Variants in PLBD2 observed in about 807,000 individuals in gnomAD.
PLBD2 encodes the protein putative aminopeptidase PLBD2.
Under a neutral mutation model 68.3 loss-of-function variants are expected in PLBD2, and 51 were observed. That is an observed-to-expected ratio of 0.75 (90% confidence interval 0.60 to 0.94). The LOEUF is 0.94. PLBD2 is among the 40% of genes least tolerant of loss of function. The probability of loss-of-function intolerance (pLI) is 0.00; values close to 1 mark genes in which losing one functional copy is unlikely to be tolerated. For synonymous variants in PLBD2, 314 were observed against 339.3 expected (o/e 0.93, Z 0.82); for missense variants, 729 against 792.2 (o/e 0.92, Z 0.96).
chr12:113,382,847 G>A (rs1957506426), intron 6 of PLBD2, among the ~76,000 whole-genome samples: 1 of 125,532 alleles, frequency 8.0e-6, no homozygotes, highest in African/African-American at 3.1e-5. Context: ...GTGTGTGTGT[G>A]TGTGTGTGTG....
intron 3 of PLBD2, 73 bp from the exon 4 acceptor site, chr12:113,374,401 G>T: frequency 1.9e-6 from 2 of 1,047,456 alleles, no homozygotes; most frequent in South Asian, 2.8e-5. Context: ...GCCAGAGCCC[G>T]TCCCGTTGAA....
chr12:113,380,957 G>T, intron 6 of PLBD2, 115 bp downstream of exon 6: 1 of 1,007,350 alleles, frequency 9.9e-7, no homozygotes, highest in Non-Finnish European at 1.5e-6. Flanking sequence ...CCAGTGCTGG[G>T]TGCCATGTAG....
At chr12:113,377,250 A>G (rs1279963648) in intron 5 of PLBD2, among the ~76,000 whole-genome samples, 1 of 152,314 alleles carries the variant, frequency 6.6e-6, no homozygotes, top group Non-Finnish European at 1.5e-5. Context: ...ACATTTATAC[A>G]GGAAATCGTA....
At chr12:113,368,996 C>T (rs926419517) in intron 1 of PLBD2, 120 bp from the exon 2 acceptor site, 4 of 615,406 alleles carry the variant, frequency 6.5e-6, no homozygotes, top group African/African-American at 5.5e-5. Flanking sequence ...GATGGACAGA[C>T]AGACATTCAC....
chr12:113,389,412 T>G lies in PLBD2; in HGVS notation c.*786T>G, dbSNP rs112326133. ...AGCGGCTGTGGCCCCATGCTGTGCT[T>G]CTTGGGGTGGCAGGGAAGGTGGGGT... On this transcript the variant is annotated 3_prime_UTR_variant, in exon 12 of 12. Coordinates refer to ENST00000280800, the MANE Select transcript of PLBD2 (RefSeq NM_173542.4). 4.7e-3 allele frequency: 711 copies of G among 152,360 alleles called. 2 individuals are homozygous for G. Among genetic ancestry groups the G allele is most frequent in the Non-Finnish European group, 8.4e-3 (572 of 68,134 alleles). 9.4% of individuals were successfully genotyped at this position (152,360 alleles called of 1,614,324 possible). A position where few individuals can be genotyped will look rare whatever the true frequency, so the allele number is the denominator to read the frequency against.
At position 113,374,555 on chromosome 12, in the gene PLBD2, A is replaced by C; in HGVS notation, c.625A>C (p.Ile209Leu). Reference sequence around the variant, plus strand: ...GAGCTTCCCAGCTGGGAAGTTCACCATCAAACCCTTGGGGTTCCTGTAAGT... The same window carrying C: ...GAGCTTCCCAGCTGGGAAGTTCACCCTCAAACCCTTGGGGTTCCTGTAAGT... ...RVSFPAGKFT[I>L]KPLGFLLLQL... Residue 209 changes from isoleucine to leucine, a missense_variant, in exon 4 of 12, where the codon ATC becomes CTC. Transcript: ENST00000280800. 1 of 1,602,038 alleles carries C rather than the reference A, an allele frequency of 6.2e-7. No individual in the cohort carries two copies. The highest frequency in any genetic ancestry group is 8.5e-7 in the Non-Finnish European group (1 of 1,174,692).
At chr12:113,382,630 G>A (rs976411042) in intron 6 of PLBD2, among the ~76,000 whole-genome samples, 1 of 151,844 alleles carries the variant, frequency 6.6e-6, no homozygotes, top group Admixed American at 6.6e-5. Context: ...TTTTTGTAGA[G>A]ACAGGTTTTG....
intron 2 of PLBD2, among the ~76,000 whole-genome samples, chr12:113,371,889 G>A (rs548050241): frequency 5.9e-5 from 9 of 152,334 alleles, no homozygotes; most frequent in African/African-American, 2.2e-4. Context: ...CCTCTAGCCT[G>A]TGGCCTTCTT....
chr12:113,365,347 A>C (rs1957333419), intron 1 of PLBD2, among the ~76,000 whole-genome samples: 2 of 150,418 alleles, frequency 1.3e-5, no homozygotes, highest in African/African-American at 4.9e-5. Context: ...TTTTTGACAG[A>C]GTCTCATTCT....
In PLBD2 at chr12:113,384,873, G is replaced by A. The variant is rs749109072; in HGVS notation, c.1141G>A (p.Val381Met). ...CAGGTATAACAACCAGTGGATGATC[G>A]TGGACTACAAGGCGTTCATCCCGGG... Reference protein sequence around the residue: ...SGTYNNQWMIVDYKAFIPGGP... With the variant: ...SGTYNNQWMIMDYKAFIPGGP... Residue 381 changes from valine (V) to methionine (M), a missense_variant, in exon 8 of 12, where the codon GTG becomes ATG. By Grantham distance (21) the Val-to-Met change is conservative. Coordinates refer to ENST00000280800, the MANE Select transcript of PLBD2 (RefSeq NM_173542.4). The surrounding 1 kb of genome is among the most constrained non-coding windows in gnomAD (Gnocchi z 4.2). 5 of 1,613,948 alleles carry A rather than the reference G, an allele frequency of 3.1e-6. No individual in the cohort carries two copies. The highest frequency in any genetic ancestry group is 2.2e-5 in the East Asian group (1 of 44,868).
chr12:113,367,715 C>T (rs559231225), intron 1 of PLBD2, among the ~76,000 whole-genome samples: 6 of 146,374 alleles, frequency 4.1e-5, no homozygotes, highest in Non-Finnish European at 8.9e-5. Flanking sequence ...CATGCCGCTG[C>T]ACTTCAGCCT....
intron 5 of PLBD2, 52 bp downstream of exon 5, chr12:113,375,059 G>T (rs1482185747): frequency 6.5e-7 from 1 of 1,543,176 alleles, no homozygotes; most frequent in Admixed American, 1.7e-5. Context: ...GGGCACACAC[G>T]TGGGGAGTGG....
At position 113,390,369 on chromosome 12, in the gene PLBD2, C is replaced by T. The variant is rs1046307572; in HGVS notation, c.*1743C>T. The T allele has an allele frequency of 6.6e-6, 1 of 151,978 alleles. No individual in the cohort carries two copies. 9.4% of individuals were successfully genotyped at this position (151,978 alleles called of 1,614,324 possible). On this transcript the variant is annotated 3_prime_UTR_variant, in exon 12 of 12. Coordinates refer to ENST00000280800, the MANE Select transcript of PLBD2 (RefSeq NM_173542.4). The stretch of plus-strand genomic sequence containing the variant: ...ATCACCCATCCAACCATCAATCCAA[C>T]CATTTTCATCTGTTCATTTTCCATC...
At chr12:113,374,321 T>A (rs1414296449) in intron 3 of PLBD2, among the ~76,000 whole-genome samples, 153 bp from the exon 4 acceptor site, 2 of 152,090 alleles carry the variant, frequency 1.3e-5, no homozygotes, top group Non-Finnish European at 2.9e-5. Context: ...TGGGTGGTAG[T>A]TTGGGGGAGT....
At chr12:113,382,019 CACT>C (rs766851494) in intron 6 of PLBD2, among the ~76,000 whole-genome samples, 4 of 152,072 alleles carry the variant, frequency 2.6e-5, no homozygotes, top group Non-Finnish European at 4.4e-5. Flanking sequence ...AATGAGGTCT[CACT>C]ATATTTCCCA....
intron 1 of PLBD2, among the ~76,000 whole-genome samples, chr12:113,360,505 T>A (rs1957282304): frequency 6.6e-6 from 1 of 152,206 alleles, no homozygotes. Flanking sequence ...TTGATTGTGC[T>A]GGATGGAAAG....
At chr12:113,371,143 T>G (rs1445059670) in intron 2 of PLBD2, among the ~76,000 whole-genome samples, 1 of 152,178 alleles carries the variant, frequency 6.6e-6, no homozygotes, top group Non-Finnish European at 1.5e-5. Context: ...GTGATGCAGA[T>G]GGAGGCATGC....
At chr12:113,364,677 G>T (rs1275870652) in intron 1 of PLBD2, among the ~76,000 whole-genome samples, 1 of 151,924 alleles carries the variant, frequency 6.6e-6, no homozygotes, top group African/African-American at 2.4e-5. Flanking sequence ...GTCCAGGCTG[G>T]TCTCTTACTC....
intron 5 of PLBD2, chr12:113,375,233 C>T (rs1207615665): frequency 1.8e-6 from 1 of 554,182 alleles, no homozygotes; most frequent in African/African-American, 1.9e-5. Flanking sequence ...GTAGCCTTGA[C>T]TTCCCAGGCT....
Sources: gnomAD v4.1 joint callset for allele counts (sites outside exome capture counted in the v4.1 genomes callset) on GRCh38, gnomAD v4.1.1 for gene constraint, Gnocchi (gnomAD v3.1) non-coding constraint, MANE v1.5 for transcripts, NCBI Gene and HGNC (gene_info 2026-07-23, HGNC 2026-07-21) for gene names.